The following FAT3 variants were observed in gnomAD, a reference collection of about 807,000 sequenced individuals.
FAT3 encodes protocadherin Fat 3.
FAT3 carries 95 observed loss-of-function variants against 310.2 expected under a neutral mutation model. The observed-to-expected ratio is 0.31, with a 90% CI of 0.26 to 0.36. FAT3 has a LOEUF of 0.36. Among genes scored for constraint, FAT3 ranks in the 10% least tolerant of loss-of-function variants. FAT3 has a pLI of 1.00. For missense variants in FAT3, 5,408 were observed against 5,715.6 expected, an observed-to-expected ratio of 0.95 and a Z score of 1.74; for synonymous variants, 2,314 against 2,192.9, an observed-to-expected ratio of 1.06 and a Z score of -1.54.
intron 3 of FAT3, among the ~76,000 whole-genome samples, chr11:92,543,835 G>C (rs1286398054): frequency 6.6e-6 from 1 of 152,178 alleles, no homozygotes; most frequent in African/African-American, 2.4e-5. Context: ...CAGGCACTGT[G>C]TTAGGCCCTG....
chr11:92,362,652 A>T (rs1243249512), intron 2 of FAT3, among the ~76,000 whole-genome samples: 1 of 151,782 alleles, frequency 6.6e-6, no homozygotes, highest in Non-Finnish European at 1.5e-5. Context: ...ACTTCTTTAA[A>T]CTCTGCCCAC....
At chr11:92,569,261 A>G (rs1264765956) in intron 3 of FAT3, among the ~76,000 whole-genome samples, 1 of 152,178 alleles carries the variant, frequency 6.6e-6, no homozygotes, top group Admixed American at 6.6e-5. Context: ...AAATGAAGAT[A>G]ACAAGCGTAC....
At chr11:92,445,119 C>G (rs1353895610) in intron 2 of FAT3, among the ~76,000 whole-genome samples, 7 of 152,158 alleles carry the variant, frequency 4.6e-5, no homozygotes, top group African/African-American at 1.7e-4. Flanking sequence ...ACACTGTGAT[C>G]TTGGACTTTT....
At chr11:92,668,778 T>C (rs767045723) in intron 3 of FAT3, among the ~76,000 whole-genome samples, 5 of 152,232 alleles carry the variant, frequency 3.3e-5, no homozygotes, top group South Asian at 2.1e-4. Context: ...ATCTCTTATA[T>C]GTAAAATGTG....
chr11:92,624,945 A>G (rs1941258090), intron 3 of FAT3, among the ~76,000 whole-genome samples: 1 of 152,184 alleles, frequency 6.6e-6, no homozygotes, highest in Admixed American at 6.5e-5. Flanking sequence ...TCCTCTATGC[A>G]TTTCTGTCTC....
At chr11:92,663,023 G>T (rs1367560239) in intron 3 of FAT3, among the ~76,000 whole-genome samples, 1 of 152,176 alleles carries the variant, frequency 6.6e-6, no homozygotes, top group Non-Finnish European at 1.5e-5. Context: ...ACTGTGATGG[G>T]GTAGGCTGGA....
At chr11:92,551,837 A>G (rs634664) in intron 3 of FAT3, among the ~76,000 whole-genome samples, 61,759 of 152,042 alleles carry the variant, frequency 0.41, 13,003 homozygotes, top group Middle Eastern at 0.54. Context: ...AACTCCATCA[A>G]GTTAGAATAG....
intron 2 of FAT3, among the ~76,000 whole-genome samples, chr11:92,464,556 CA>C (rs1199438502): frequency 6.6e-6 from 1 of 152,144 alleles, no homozygotes; most frequent in Non-Finnish European, 1.5e-5. Context: ...GATGCCTCAG[CA>C]GAAGGGCATA....
At position 92,532,762 on chromosome 11, in the gene FAT3, C is replaced by T. The variant is rs541370707; in HGVS notation, c.3607+7814C>T. Among the ~76,000 whole-genome samples, 3 of 152,240 alleles carry T rather than the reference C, an allele frequency of 2.0e-5. No individual in the cohort carries two copies. In the South Asian group the frequency reaches 6.2e-4, roughly 32 times the overall value. On this transcript the variant is annotated intron_variant, in intron 3 of 27. Coordinates refer to ENST00000525166, the MANE Select transcript of FAT3 (RefSeq NM_001367949.2). Reference sequence around the variant, plus strand: ...GGTTTCTTCCCTTGAAATGCTTAAGCAGCTCCAAATCCTGTTCCTGCTTAA... The same window carrying T: ...GGTTTCTTCCCTTGAAATGCTTAAGTAGCTCCAAATCCTGTTCCTGCTTAA...
intron 3 of FAT3, among the ~76,000 whole-genome samples, chr11:92,528,873 GATC>G (rs1301122052): frequency 1.3e-5 from 2 of 152,252 alleles, no homozygotes; most frequent in East Asian, 1.9e-4. Context: ...TAACTATTAC[GATC>G]ATCATCATCA....
intron 2 of FAT3, among the ~76,000 whole-genome samples, chr11:92,515,674 A>C (rs1288821926): frequency 6.6e-6 from 1 of 152,062 alleles, no homozygotes; most frequent in East Asian, 1.9e-4. Flanking sequence ...TTATCTGTCA[A>C]ATGGGGATAA....
intron 12 of FAT3, among the ~76,000 whole-genome samples, chr11:92,808,443 T>C (rs1041348888): frequency 1.4e-4 from 22 of 152,172 alleles, no homozygotes; most frequent in African/African-American, 5.1e-4. Flanking sequence ...GCAGAGAGCA[T>C]AGCGCATCCA....
chr11:92,291,007 C>T (rs1474283910), intron 1 of FAT3, among the ~76,000 whole-genome samples: 3 of 151,578 alleles, frequency 2.0e-5, no homozygotes, highest in African/African-American at 7.3e-5. Flanking sequence ...CTTAGCTGTC[C>T]TCTTAAGGTG....
intron 3 of FAT3, among the ~76,000 whole-genome samples, chr11:92,547,449 G>A (rs990925707): frequency 6.6e-6 from 1 of 152,070 alleles, no homozygotes; most frequent in African/African-American, 2.4e-5. Context: ...GGCTACATAC[G>A]GCAAGTGTAA....
chr11:92,336,470 G>A (rs1948086465), intron 1 of FAT3: 5 of 289,656 alleles, frequency 1.7e-5, no homozygotes, highest in Middle Eastern at 1.8e-3. Context: ...GACTGGGAGC[G>A]CTCAAACTTA....
At chr11:92,857,543 G>C (rs975998523) in intron 20 of FAT3, among the ~76,000 whole-genome samples, 195 bp downstream of exon 20, 6 of 152,196 alleles carry the variant, frequency 3.9e-5, no homozygotes, top group African/African-American at 1.4e-4. Flanking sequence ...TGTGCTAAGG[G>C]AGCATGTAAA....
chr11:92,582,184 G>T (rs1938842419), intron 3 of FAT3, among the ~76,000 whole-genome samples: 1 of 151,842 alleles, frequency 6.6e-6, no homozygotes, highest in South Asian at 2.1e-4. Context: ...TCGTCTTGGT[G>T]GGCTTTGGCT....
intron 4 of FAT3, among the ~76,000 whole-genome samples, chr11:92,711,941 A>G (rs1039549930): frequency 2.0e-5 from 3 of 152,228 alleles, no homozygotes; most frequent in Admixed American, 1.3e-4. Context: ...ACAGAATCAT[A>G]AAATTTCAGA....
chr11:92,503,518 G>A (rs1953009056), intron 2 of FAT3, among the ~76,000 whole-genome samples: 1 of 152,052 alleles, frequency 6.6e-6, no homozygotes, highest in Non-Finnish European at 1.5e-5. Context: ...CCTAGAAGAA[G>A]TTGTTACTTC....
Sources: allele counts gnomAD v4.1 joint callset (sites outside exome capture counted in the v4.1 genomes callset), GRCh38; gene constraint gnomAD v4.1.1; transcripts MANE v1.5; gene names NCBI Gene and HGNC (gene_info 2026-07-23, HGNC 2026-07-21).